The following SLC12A8 variants were observed in gnomAD, a reference collection of about 807,000 sequenced individuals.
SLC12A8 encodes cation-chloride cotransporter 9.
A neutral mutation model predicts 75.6 loss-of-function variants in SLC12A8; 69 were observed. The ratio of observed to expected loss-of-function variants is 0.91; its 90% CI spans 0.75 to 1.11. SLC12A8 has a LOEUF of 1.11. Among genes scored for constraint, SLC12A8 ranks in the 50% most tolerant of loss-of-function variants. The pLI is 0.00. For synonymous variants in SLC12A8, 365 were observed against 372.8 expected (o/e 0.98, Z 0.24); for missense variants, 877 against 896.7 (o/e 0.98, Z 0.28).
intron 8 of SLC12A8, 122 bp from the exon 9 acceptor site, chr3:125,110,457 T>C: frequency 1.1e-6 from 1 of 901,984 alleles, no homozygotes; most frequent in East Asian, 2.7e-5. Flanking sequence ...ATCTGATCCC[T>C]GGGATACAGT....
intron 4 of SLC12A8, among the ~76,000 whole-genome samples, chr3:125,186,312 T>A (rs1441108060): frequency 6.6e-6 from 1 of 152,186 alleles, no homozygotes; most frequent in Non-Finnish European, 1.5e-5. Flanking sequence ...TCCTGCACTG[T>A]CTTAGACACA....
At chr3:125,142,500 C>T (rs1933673793) in intron 5 of SLC12A8, among the ~76,000 whole-genome samples, 1 of 152,196 alleles carries the variant, frequency 6.6e-6, no homozygotes. Flanking sequence ...AAGCACAGGG[C>T]CCCCTTCCAG....
chr3:125,193,142 G>A (rs1183198934), intron 2 of SLC12A8, among the ~76,000 whole-genome samples: 1 of 152,224 alleles, frequency 6.6e-6, no homozygotes. Context: ...GCTGAGGTGG[G>A]TGGATCACTT....
rs1938383131 is a variant in SLC12A8, at chr3:125,083,618, A to C, written c.*272T>G. ...ATGCCTATAATCCCAGCTACTCAGG[A>C]GGCTGAGGCAGGAGAATTGCTTGAA... On this transcript the variant is annotated 3_prime_UTR_variant, in exon 14 of 14. Coordinates refer to ENST00000469902, the MANE Select transcript of SLC12A8 (RefSeq NM_024628.6). 1 of 319,030 alleles carries C rather than the reference A, an allele frequency of 3.1e-6. No individual in the cohort carries two copies. The highest frequency in any genetic ancestry group is 2.2e-5 in the African/African-American group (1 of 45,948). The allele number at this position is 319,030 out of a possible 1,614,324, so 19.8% of individuals were successfully genotyped here.
intron 4 of SLC12A8, among the ~76,000 whole-genome samples, chr3:125,183,326 T>C (rs1560078800): frequency 6.6e-6 from 1 of 152,198 alleles, no homozygotes; most frequent in Non-Finnish European, 1.5e-5. Flanking sequence ...CTTTTCTTTT[T>C]CATTCTCCAC....
At chr3:125,096,534 A>T (rs1938715911) in intron 10 of SLC12A8, among the ~76,000 whole-genome samples, 1 of 152,218 alleles carries the variant, frequency 6.6e-6, no homozygotes, top group South Asian at 2.1e-4. Context: ...CCTTGAGAAG[A>T]CTTCATCCTC....
intron 2 of SLC12A8, among the ~76,000 whole-genome samples, chr3:125,206,080 T>C (rs572366144): frequency 1.3e-5 from 2 of 152,348 alleles, no homozygotes; most frequent in Non-Finnish European, 2.9e-5. Context: ...AATAAAGCAA[T>C]ATGCTATTGC....
intron 4 of SLC12A8, among the ~76,000 whole-genome samples, chr3:125,186,167 A>T (rs1349344789): frequency 1.3e-5 from 2 of 151,728 alleles, no homozygotes; most frequent in Admixed American, 6.6e-5. Flanking sequence ...AAAAAAAAAA[A>T]TTTATATACC....
At chr3:125,126,948 A>C (rs1933224836) in intron 6 of SLC12A8, among the ~76,000 whole-genome samples, 1 of 151,812 alleles carries the variant, frequency 6.6e-6, no homozygotes, top group Non-Finnish European at 1.5e-5. Flanking sequence ...TGTGGCTCTG[A>C]GCCCTGCTTT....
chr3:125,175,258 T>C (rs948907198), intron 5 of SLC12A8, among the ~76,000 whole-genome samples: 3 of 152,242 alleles, frequency 2.0e-5, no homozygotes, highest in Non-Finnish European at 4.4e-5. Context: ...AATGTCTATG[T>C]ATATGTCCTC....
At chr3:125,150,941 C>T (rs3772216) in intron 5 of SLC12A8, among the ~76,000 whole-genome samples, 25,430 of 152,004 alleles carry the variant, frequency 0.17, 2,557 homozygotes, top group Non-Finnish European at 0.23. Context: ...TCCAGATTCC[C>T]GGGCCTCAGG....
chr3:125,169,407 C>G (rs1934359750), intron 5 of SLC12A8, among the ~76,000 whole-genome samples: 1 of 152,066 alleles, frequency 6.6e-6, no homozygotes, highest in Non-Finnish European at 1.5e-5. Flanking sequence ...GGCTGCAGAT[C>G]AAGAAGTCAG....
intron 5 of SLC12A8, among the ~76,000 whole-genome samples, chr3:125,139,290 C>A (rs1341943295): frequency 1.1e-4 from 16 of 144,550 alleles, no homozygotes. Context: ...CCATGACCCA[C>A]AGTCTGAGGC....
intron 5 of SLC12A8, among the ~76,000 whole-genome samples, chr3:125,173,471 A>AG: frequency 6.6e-6 from 1 of 151,364 alleles, no homozygotes; most frequent in Non-Finnish European, 1.5e-5. Flanking sequence ...AAAAAAAAAA[A>AG]AAAACCAAAA....
intron 5 of SLC12A8, among the ~76,000 whole-genome samples, chr3:125,149,859 T>C (rs1933875359): frequency 6.6e-6 from 1 of 152,020 alleles, no homozygotes; most frequent in Admixed American, 6.5e-5. Flanking sequence ...CAGGTGGATT[T>C]TGGGGAATGC....
At chr3:125,106,238 T>C (rs893728478) in intron 10 of SLC12A8, among the ~76,000 whole-genome samples, 2 of 152,182 alleles carry the variant, frequency 1.3e-5, no homozygotes, top group East Asian at 1.9e-4. Context: ...TGTACACTTA[T>C]TACATTGATT....
chr3:125,208,785 C>CAG (rs1560087653), intron 2 of SLC12A8, among the ~76,000 whole-genome samples: 1 of 98,500 alleles, frequency 1.0e-5, no homozygotes, highest in African/African-American at 3.9e-5. Flanking sequence ...CACACACACA[C>CAG]ACACACAGAG....
At chr3:125,149,055 C>T (rs950042578) in intron 5 of SLC12A8, among the ~76,000 whole-genome samples, 1 of 152,194 alleles carries the variant, frequency 6.6e-6, no homozygotes, top group African/African-American at 2.4e-5. Context: ...AGGGCTGAGG[C>T]GGGCGAGGCT....
intron 10 of SLC12A8, among the ~76,000 whole-genome samples, chr3:125,106,697 C>A (rs1186285553): frequency 2.0e-5 from 3 of 152,160 alleles, no homozygotes; most frequent in Non-Finnish European, 2.9e-5. Flanking sequence ...TCATCTCCTC[C>A]TCTTTGCCCA....
Sources: allele counts gnomAD v4.1 joint callset (sites outside exome capture counted in the v4.1 genomes callset), GRCh38; gene constraint gnomAD v4.1.1; transcripts MANE v1.5; gene names NCBI Gene and HGNC (gene_info 2026-07-23, HGNC 2026-07-21).